PDZRN4: variants seen among roughly 807,000 people sequenced by gnomAD.
PDZRN4 encodes PDZ domain containing ring finger 4.
PDZRN4 carries 70 observed loss-of-function variants against 99.0 expected under a neutral mutation model. The ratio of observed to expected loss-of-function variants is 0.71; its 90% CI spans 0.58 to 0.86. The LOEUF (loss-of-function observed/expected upper bound fraction) is 0.86. Ranked by LOEUF, PDZRN4 falls within the 40% of genes least tolerant of loss-of-function variation. The pLI is 0.00. For synonymous variants in PDZRN4, 551 were observed against 501.6 expected (o/e 1.10, Z -1.32); for missense variants, 1,474 against 1,331.2 (o/e 1.11, Z -1.67).
In PDZRN4 at chr12:41,253,528, A is replaced by T. The variant is rs543537937; in HGVS notation, c.843+59340A>T. Among the ~76,000 whole-genome samples the T allele has an allele frequency of 3.9e-4, 59 of 152,316 alleles. 1 individual carries two copies. In the South Asian group the frequency reaches 9.5e-3, roughly 25 times the overall value. ...AGGATGTGGAGAAAGGGGAACCCCC[A>T]TTACTGTTACTGGGAATGTAAATTA... On this transcript the variant is annotated intron_variant, in intron 3 of 9. Transcript: ENST00000402685.
chr12:41,303,357 T>C (rs992365156), intron 3 of PDZRN4, among the ~76,000 whole-genome samples: 1 of 152,214 alleles, frequency 6.6e-6, no homozygotes, highest in African/African-American at 2.4e-5. Context: ...TAGCCTGTGG[T>C]TTGATCACAG....
intron 3 of PDZRN4, chr12:41,413,162 A>T (rs562563346): frequency 2.0e-5 from 3 of 152,296 alleles, no homozygotes; most frequent in African/African-American, 7.2e-5. Flanking sequence ...TGGTATACAT[A>T]CATAATGGGA....
chr12:41,550,200 T>A (rs1033224886), intron 5 of PDZRN4, among the ~76,000 whole-genome samples: 1 of 152,154 alleles, frequency 6.6e-6, no homozygotes, highest in Non-Finnish European at 1.5e-5. Flanking sequence ...CAAAAAAGAA[T>A]GTCCCCCGCT....
At chr12:41,356,510 T>C (rs1951928545) in intron 3 of PDZRN4, among the ~76,000 whole-genome samples, 1 of 151,988 alleles carries the variant, frequency 6.6e-6, no homozygotes, top group Non-Finnish European at 1.5e-5. Context: ...AATTCTATAT[T>C]GACTAAGAAC....
chr12:41,311,044 A>G (rs940927833), intron 3 of PDZRN4, among the ~76,000 whole-genome samples: 4 of 152,164 alleles, frequency 2.6e-5, no homozygotes, highest in African/African-American at 9.6e-5. Flanking sequence ...AATCTTTTTC[A>G]TATCTGCAAA....
intron 5 of PDZRN4, among the ~76,000 whole-genome samples, chr12:41,512,909 G>GCAT (rs1938332209): frequency 3.3e-5 from 5 of 152,026 alleles, no homozygotes; most frequent in Admixed American, 3.3e-4. Context: ...ACACCTTTTG[G>GCAT]CATCCACCAG....
chr12:41,252,071 A>C (rs1420539532), intron 3 of PDZRN4, among the ~76,000 whole-genome samples: 1 of 152,156 alleles, frequency 6.6e-6, no homozygotes, highest in Non-Finnish European at 1.5e-5. Flanking sequence ...AGCCATCATC[A>C]AGCCACTGCA....
intron 5 of PDZRN4, among the ~76,000 whole-genome samples, chr12:41,525,055 G>C (rs1938547817): frequency 6.6e-6 from 1 of 152,158 alleles, no homozygotes. Context: ...CTGAGGGAGG[G>C]AAAGTGTGGT....
intron 3 of PDZRN4, among the ~76,000 whole-genome samples, chr12:41,304,523 T>C (rs978649087): frequency 6.6e-6 from 1 of 152,204 alleles, no homozygotes; most frequent in Non-Finnish European, 1.5e-5. Context: ...TTTTTGTTTG[T>C]ACTTCAGCCT....
chr12:41,437,853 T>C (rs1425933499), intron 3 of PDZRN4: 4 of 1,607,848 alleles, frequency 2.5e-6, no homozygotes, highest in Non-Finnish European at 1.7e-6. Flanking sequence ...TGAAAAACAG[T>C]AGTCAAGTCT....
intron 3 of PDZRN4, among the ~76,000 whole-genome samples, chr12:41,388,695 G>T (rs1485017458): frequency 1.3e-5 from 2 of 152,192 alleles, no homozygotes; most frequent in African/African-American, 4.8e-5. Context: ...TAATTTGGAA[G>T]ACAGATTCAG....
chr12:41,432,957 C>T (rs908513042), intron 3 of PDZRN4, among the ~76,000 whole-genome samples: 3 of 152,164 alleles, frequency 2.0e-5, no homozygotes, highest in Non-Finnish European at 1.5e-5. Flanking sequence ...GGATTTAAAA[C>T]TTTCAGTGCC....
chr12:41,302,554 T>C (rs1951542908), intron 3 of PDZRN4, among the ~76,000 whole-genome samples: 1 of 152,170 alleles, frequency 6.6e-6, no homozygotes, highest in African/African-American at 2.4e-5. Flanking sequence ...ATACCTCTCA[T>C]AGACACTTAA....
chr12:41,386,574 A>T (rs1420559901), intron 3 of PDZRN4, among the ~76,000 whole-genome samples: 1 of 152,212 alleles, frequency 6.6e-6, no homozygotes, highest in Non-Finnish European at 1.5e-5. Flanking sequence ...GTTCAATGCT[A>T]TACCTATTAA....
Position 41,509,834 on chromosome 12 carries a change from A to C in PDZRN4, c.1124A>C (p.Glu375Ala). The change falls in exon 5 of 10, where the codon GAG (glutamate) becomes GCG (alanine). Residue 375 changes from glutamate to alanine, a missense_variant. Glu to Ala is a moderately radical substitution (Grantham distance 107). Coordinates refer to ENST00000402685, the MANE Select transcript of PDZRN4 (RefSeq NM_001164595.2). ...SDSCHSLHPM[E>A]HEFYEDNEYI... The stretch of plus-strand genomic sequence containing the variant: ...AGCTGCCATTCTCTACATCCAATGG[A>C]GCATGAATTTTATGAGGACAATGAG... 6.3e-7 allele frequency: 1 copy of C among 1,592,042 alleles called. No homozygotes were observed. Among genetic ancestry groups the C allele is most frequent in the South Asian group, 1.1e-5 (1 of 90,038 alleles).
intron 3 of PDZRN4, among the ~76,000 whole-genome samples, chr12:41,434,173 T>C (rs1952608919): frequency 6.6e-6 from 1 of 152,230 alleles, no homozygotes; most frequent in African/African-American, 2.4e-5. Flanking sequence ...CTTCTCTCTC[T>C]CTTTCTCTTT....
chr12:41,278,163 G>T (rs76443260), intron 3 of PDZRN4, among the ~76,000 whole-genome samples: 1 of 152,002 alleles, frequency 6.6e-6, no homozygotes, highest in Non-Finnish European at 1.5e-5. Context: ...TGTTATATGC[G>T]TGACTCATAA....
intron 3 of PDZRN4, among the ~76,000 whole-genome samples, chr12:41,204,644 C>A (rs1389928575): frequency 1.3e-5 from 2 of 152,024 alleles, no homozygotes; most frequent in African/African-American, 4.8e-5. Flanking sequence ...ACCATCAGAT[C>A]CTGTGAGAAC....
At chr12:41,504,985 G>A (rs1462456054) in intron 3 of PDZRN4, among the ~76,000 whole-genome samples, 2 of 152,114 alleles carry the variant, frequency 1.3e-5, no homozygotes, top group Non-Finnish European at 2.9e-5. Context: ...GGTCCACTGA[G>A]TAAATTAGCT....
Sources: gnomAD v4.1 joint callset for allele counts (sites outside exome capture counted in the v4.1 genomes callset) on GRCh38, gnomAD v4.1.1 for gene constraint, MANE v1.5 for transcripts, NCBI Gene and HGNC (gene_info 2026-07-23, HGNC 2026-07-21) for gene names.